The following SYT16 variants were observed in gnomAD, a reference collection of about 807,000 sequenced individuals.
SYT16 encodes synaptotagmin-16.
A neutral mutation model predicts 61.4 loss-of-function variants in SYT16; 42 were observed. The observed-to-expected ratio is 0.68, with a 90% CI of 0.53 to 0.89. The LOEUF (loss-of-function observed/expected upper bound fraction) is 0.89. Among genes scored for constraint, SYT16 ranks in the 40% least tolerant of loss-of-function variants. The probability of loss-of-function intolerance (pLI) is 0.00; values close to 1 mark genes in which losing one functional copy is unlikely to be tolerated. For missense variants in SYT16, 804 were observed against 807.3 expected, an observed-to-expected ratio of 1.00 and a Z score of 0.05; for synonymous variants, 314 against 302.3, an observed-to-expected ratio of 1.04 and a Z score of -0.40.
At chr14:62,073,976 T>C (rs954032689) in intron 4 of SYT16, among the ~76,000 whole-genome samples, 4 of 152,188 alleles carry the variant, frequency 2.6e-5, no homozygotes, top group African/African-American at 7.2e-5. Flanking sequence ...TACCATACAA[T>C]GTATATAGAA....
chr14:61,896,249 T>C (rs2048323088), intron 1 of SYT16, among the ~76,000 whole-genome samples: 1 of 152,182 alleles, frequency 6.6e-6, no homozygotes, highest in Non-Finnish European at 1.5e-5. Context: ...GGGACCAAGC[T>C]GGACTAGAGG....
intron 1 of SYT16, among the ~76,000 whole-genome samples, chr14:61,892,819 A>G (rs2048185091): frequency 6.6e-6 from 1 of 152,098 alleles, no homozygotes; most frequent in Non-Finnish European, 1.5e-5. Flanking sequence ...AAACTAAGGC[A>G]CCATTACTGT....
At chr14:61,851,754 T>C (rs959866148) in intron 1 of SYT16, among the ~76,000 whole-genome samples, 2 of 152,154 alleles carry the variant, frequency 1.3e-5, no homozygotes, top group African/African-American at 2.4e-5. Flanking sequence ...TTTAATGGGG[T>C]TGTTTGCTTT....
chr14:62,080,730 T>C, intron 5 of SYT16, 104 bp from the exon 6 acceptor site: 1 of 1,151,146 alleles, frequency 8.7e-7, no homozygotes, highest in Non-Finnish European at 1.2e-6. Context: ...ACACTGGCAG[T>C]TAGAAAGCAG....
At chr14:61,819,716 T>C (rs983164745) in intron 1 of SYT16, among the ~76,000 whole-genome samples, 2 of 152,138 alleles carry the variant, frequency 1.3e-5, no homozygotes, top group Non-Finnish European at 2.9e-5. Flanking sequence ...TCAATAGAAA[T>C]TGCAAAAGAT....
chr14:62,092,236 G>A (rs1171156054), intron 7 of SYT16, among the ~76,000 whole-genome samples: 1 of 142,068 alleles, frequency 7.0e-6, no homozygotes, highest in Non-Finnish European at 1.6e-5. Flanking sequence ...ACTAACAAGT[G>A]TTAATGAGAA....
intron 2 of SYT16, among the ~76,000 whole-genome samples, chr14:61,974,649 G>A (rs2051707071): frequency 6.6e-6 from 1 of 152,226 alleles, no homozygotes; most frequent in South Asian, 2.1e-4. Flanking sequence ...GAAGGTGGGA[G>A]TGGAAATCCC....
chr14:61,829,647 T>C (rs1025046388), intron 1 of SYT16, among the ~76,000 whole-genome samples: 1 of 151,450 alleles, frequency 6.6e-6, no homozygotes, highest in Non-Finnish European at 1.5e-5. Context: ...TTTCTATTGA[T>C]ATATTTTCTT....
At chr14:62,017,034 A>C (rs1157139022) in intron 3 of SYT16, among the ~76,000 whole-genome samples, 1 of 152,250 alleles carries the variant, frequency 6.6e-6, no homozygotes, top group Non-Finnish European at 1.5e-5. Context: ...TAACTTTGTC[A>C]GGCAAAGTAG....
At chr14:61,893,604 T>G in intron 1 of SYT16, among the ~76,000 whole-genome samples, 1 of 152,220 alleles carries the variant, frequency 6.6e-6, no homozygotes. Context: ...TGACGTTTTC[T>G]TTTTTTAGCT....
At position 61,945,716 on chromosome 14, in the gene SYT16, C is replaced by T. The variant is rs567587377; in HGVS notation, c.-324-24416C>T. 6.2e-4 allele frequency among the ~76,000 whole-genome samples: 94 copies of T among 151,870 alleles called. 1 individual carries two copies. In the East Asian group the frequency reaches 0.016, roughly 26 times the overall value. ...TAAAAAATACAAAAAATTAGCCGGG[C>T]GTGGTGGCGGGTGCCTGTAGTCCCA... On this transcript the variant is annotated intron_variant, in intron 1 of 7. Coordinates refer to ENST00000683842, the MANE Select transcript of SYT16 (RefSeq NM_001367656.1).
intron 6 of SYT16, among the ~76,000 whole-genome samples, chr14:62,083,747 A>G (rs1003206773): frequency 5.3e-5 from 8 of 152,154 alleles, no homozygotes; most frequent in Admixed American, 1.3e-4. Flanking sequence ...TATAGTTAAG[A>G]CACAACGCCT....
At chr14:61,833,229 C>T (rs1273742175) in intron 1 of SYT16, among the ~76,000 whole-genome samples, 1 of 152,058 alleles carries the variant, frequency 6.6e-6, no homozygotes, top group East Asian at 1.9e-4. Context: ...AACATTTAGA[C>T]CCCTCAACCT....
At chr14:62,021,264 C>G (rs1189977209) in intron 3 of SYT16, among the ~76,000 whole-genome samples, 1 of 152,018 alleles carries the variant, frequency 6.6e-6, no homozygotes, top group Non-Finnish European at 1.5e-5. Flanking sequence ...TGGAATTTGC[C>G]TAGTGGGCAG....
chr14:62,070,440 T>G (rs2056254772), intron 4 of SYT16, among the ~76,000 whole-genome samples: 1 of 152,148 alleles, frequency 6.6e-6, no homozygotes, highest in African/African-American at 2.4e-5. Context: ...GCACAAAGTC[T>G]TATGTCATTT....
At chr14:62,001,174 C>T (rs2052999946) in intron 3 of SYT16, among the ~76,000 whole-genome samples, 1 of 152,142 alleles carries the variant, frequency 6.6e-6, no homozygotes, top group Non-Finnish European at 1.5e-5. Flanking sequence ...ATTATCTCAA[C>T]TTTTCTTTGA....
At chr14:61,933,495 A>G (rs2049857067) in intron 1 of SYT16, among the ~76,000 whole-genome samples, 1 of 152,236 alleles carries the variant, frequency 6.6e-6, no homozygotes, top group Non-Finnish European at 1.5e-5. Flanking sequence ...CCAAGGGTGA[A>G]GAGCTGTTCT....
intron 1 of SYT16, among the ~76,000 whole-genome samples, chr14:61,928,733 GAGGTGT>G (rs2049636480): frequency 6.6e-6 from 1 of 152,194 alleles, no homozygotes; most frequent in Non-Finnish European, 1.5e-5. Context: ...AAGCACACCG[GAGGTGT>G]CTGGTTATTT....
chr14:61,862,497 A>G (rs2046995464), intron 1 of SYT16, among the ~76,000 whole-genome samples: 1 of 152,192 alleles, frequency 6.6e-6, no homozygotes, highest in Admixed American at 6.5e-5. Flanking sequence ...TTAGGTTCAC[A>G]CTAAAATTGA....
Sources: gnomAD v4.1 joint callset for allele counts (sites outside exome capture counted in the v4.1 genomes callset) on GRCh38, gnomAD v4.1.1 for gene constraint, MANE v1.5 for transcripts, NCBI Gene and HGNC (gene_info 2026-07-23, HGNC 2026-07-21) for gene names.